Variants in TUSC3 observed in about 807,000 individuals in gnomAD.
TUSC3 encodes tumor suppressor candidate 3, also known as dolichyl-diphosphooligosaccharide--protein glycosyltransferase subunit TUSC3.
In TUSC3, 45 loss-of-function variants were observed where a neutral mutation model predicts 44.8. The observed-to-expected ratio is 1.00, with a 90% confidence interval of 0.79 to 1.29. The LOEUF is 1.29. TUSC3 is among the 50% of genes most tolerant of loss of function. TUSC3 has a pLI of 0.00. For synonymous variants in TUSC3, 212 were observed against 152.9 expected, an observed-to-expected ratio of 1.39 and a Z score of -2.85; for missense variants, 519 against 437.9, an observed-to-expected ratio of 1.19 and a Z score of -1.65.
chr8:15,811,671 G>C, the TUSC3 span, among the ~76,000 whole-genome samples: 2 of 152,192 alleles, frequency 1.3e-5, no homozygotes, highest in Non-Finnish European at 2.9e-5. Flanking sequence ...AATTCAATTT[G>C]GAAAAGGCAA....
At chr8:15,489,483 A>G (rs1380137471) in intron 2 of TUSC3, among the ~76,000 whole-genome samples, 1 of 152,198 alleles carries the variant, frequency 6.6e-6, no homozygotes, top group Non-Finnish European at 1.5e-5. Context: ...TCAGAAAAAC[A>G]CCTGGAAAGG....
chr8:15,478,896 C>T (rs111985774), intron 1 of TUSC3, among the ~76,000 whole-genome samples: 1,612 of 152,192 alleles, frequency 0.011, 35 homozygotes, highest in African/African-American at 0.036. Flanking sequence ...ACATTCCCAC[C>T]GATAGTGTAA....
At chr8:15,817,798 T>C in the TUSC3 span, among the ~76,000 whole-genome samples, 1 of 152,082 alleles carries the variant, frequency 6.6e-6, no homozygotes, top group Non-Finnish European at 1.5e-5. Flanking sequence ...AATACACAAG[T>C]GTTGGTCCTA....
chr8:15,443,925 C>G (rs11785395), intron 1 of TUSC3, among the ~76,000 whole-genome samples: 86,393 of 151,800 alleles, frequency 0.57, 28,257 homozygotes, highest in Non-Finnish European at 0.71. Context: ...AACTTCAATT[C>G]TGCCTAACCA....
chr8:15,747,534 G>A (rs1372630595), intron 8 of TUSC3, among the ~76,000 whole-genome samples: 1 of 151,932 alleles, frequency 6.6e-6, no homozygotes, highest in Non-Finnish European at 1.5e-5. Flanking sequence ...TGTTTAGATT[G>A]TACTAACTGC....
At chr8:15,775,143 T>C in the TUSC3 span, among the ~76,000 whole-genome samples, 1 of 152,138 alleles carries the variant, frequency 6.6e-6, no homozygotes, top group South Asian at 2.1e-4. Context: ...AAAAAAGTTA[T>C]GAAGTACTGT....
chr8:15,575,658 T>G (rs1478250137), intron 1 of TUSC3, among the ~76,000 whole-genome samples: 1 of 152,016 alleles, frequency 6.6e-6, no homozygotes, highest in Non-Finnish European at 1.5e-5. Context: ...TGCCAGGTAC[T>G]CCGGAAGCTG....
At chr8:15,428,090 G>C (rs1799828117) in intron 1 of TUSC3, among the ~76,000 whole-genome samples, 1 of 150,138 alleles carries the variant, frequency 6.7e-6, no homozygotes, top group Non-Finnish European at 1.5e-5. Context: ...TTTAGCATTA[G>C]GTATATCCCC....
chr8:15,545,182 T>C (rs1162008898), intron 1 of TUSC3, among the ~76,000 whole-genome samples: 3 of 151,608 alleles, frequency 2.0e-5, no homozygotes, highest in Non-Finnish European at 4.4e-5. Flanking sequence ...GTGGTCAGTA[T>C]TACTGTCATA....
At chr8:15,487,261 A>T (rs1800745327) in intron 2 of TUSC3, among the ~76,000 whole-genome samples, 1 of 152,112 alleles carries the variant, frequency 6.6e-6, no homozygotes, top group African/African-American at 2.4e-5. Flanking sequence ...ATTAACTTTA[A>T]ACATGCCATG....
intron 5 of TUSC3, among the ~76,000 whole-genome samples, chr8:15,668,421 T>C (rs1807778135): frequency 6.6e-6 from 1 of 151,708 alleles, no homozygotes; most frequent in Non-Finnish European, 1.5e-5. Context: ...TTGTTGACCA[T>C]TCAACAAGAG....
chr8:15,541,940 C>T (rs1343433892), intron 1 of TUSC3, among the ~76,000 whole-genome samples: 1 of 151,374 alleles, frequency 6.6e-6, no homozygotes, highest in Admixed American at 6.6e-5. Flanking sequence ...TCCCTAGGAC[C>T]ACGCCAATTT....
chr8:15,758,415 A>G (rs1002253866), intron 10 of TUSC3: 54 of 325,680 alleles, frequency 1.7e-4, no homozygotes, highest in African/African-American at 1.0e-3. Context: ...ATAATTTTAT[A>G]TGTATGTAAA....
At chr8:15,700,869 C>CTTTTTTTTTTTTTTTTTTTTTTTTTTT (rs1332141201) in intron 6 of TUSC3, among the ~76,000 whole-genome samples, 9 of 60,288 alleles carry the variant, frequency 1.5e-4, no homozygotes, top group East Asian at 5.0e-4. Context: ...TTTTTTTTTG[C>CTTTTTTTTTTTTTTTTTTTTTTTTTTT]TTTGCCTGTT....
At chr8:15,678,674 G>GTGCATGTTGT (rs1241409211) in intron 6 of TUSC3, among the ~76,000 whole-genome samples, 1 of 152,080 alleles carries the variant, frequency 6.6e-6, no homozygotes, top group African/African-American at 2.4e-5. Context: ...AATTGATGGA[G>GTGCATGTTGT]TACATGTGCA....
chr8:15,790,773 G>A, the TUSC3 span, among the ~76,000 whole-genome samples: 2 of 152,136 alleles, frequency 1.3e-5, no homozygotes, highest in Admixed American at 6.5e-5. Context: ...GAGAATCAAG[G>A]TGTATTTGAG....
intron 1 of TUSC3, among the ~76,000 whole-genome samples, chr8:15,608,648 G>A (rs565411090): frequency 1.2e-4 from 18 of 152,182 alleles, no homozygotes; most frequent in African/African-American, 3.9e-4. Flanking sequence ...GTGATAGTGC[G>A]TGAGTCTCGT....
chr8:15,711,866 C>T (rs544757724), intron 6 of TUSC3, among the ~76,000 whole-genome samples: 39 of 151,670 alleles, frequency 2.6e-4, no homozygotes, highest in Non-Finnish European at 4.9e-4. Context: ...ATATAGCTTC[C>T]TCCTCCCTGC....
upstream of TUSC3, among the ~76,000 whole-genome samples, chr8:15,539,327 C>G (rs1015975217): frequency 3.5e-5 from 5 of 144,158 alleles, no homozygotes; most frequent in Admixed American, 7.0e-5. Context: ...GTTCAACATA[C>G]AGTCTGCTGC....
Sources: allele counts gnomAD v4.1 joint callset (sites outside exome capture counted in the v4.1 genomes callset), GRCh38; gene constraint gnomAD v4.1.1; transcripts MANE v1.5; gene names NCBI Gene and HGNC (gene_info 2026-07-23, HGNC 2026-07-21).